Variants in THTPA observed in about 807,000 individuals in gnomAD.
The protein encoded by THTPA is thiamine-triphosphatase.
THTPA carries 16 observed loss-of-function variants against 16.5 expected under a neutral mutation model. The ratio of observed to expected loss-of-function variants is 0.97; its 90% confidence interval spans 0.66 to 1.47. THTPA has a LOEUF of 1.47. Ranked by LOEUF, THTPA falls within the 40% of genes most tolerant of loss-of-function variation. THTPA has a pLI of 0.00. For missense variants in THTPA, 281 were observed against 280.9 expected, an observed-to-expected ratio of 1.00 and a Z score of 0.00; for synonymous variants, 110 against 115.5, an observed-to-expected ratio of 0.95 and a Z score of 0.30.
the THTPA span, chr14:23,527,752 C>T: frequency 2.0e-6 from 3 of 1,536,126 alleles, no homozygotes; most frequent in Non-Finnish European, 2.6e-6. Context: ...TGTATGAGCC[C>T]TCACCTGGCT....
chr14:23,548,820 T>C, the THTPA span, among the ~76,000 whole-genome samples: 5,322 of 152,324 alleles, frequency 0.035, 311 homozygotes, highest in African/African-American at 0.12. Context: ...TCCTGCTATT[T>C]GTGCTATGCT....
the THTPA span, chr14:23,532,718 G>A: frequency 5.2e-6 from 8 of 1,534,994 alleles, no homozygotes; most frequent in Non-Finnish European, 7.0e-6. Flanking sequence ...GGATGCTGGG[G>A]AAGGGGTGCC....
chr14:23,524,707 G>T, the THTPA span: 1 of 1,536,294 alleles, frequency 6.5e-7, no homozygotes, highest in East Asian at 2.4e-5. The surrounding 1 kb of genome is among the most constrained non-coding windows in gnomAD (Gnocchi z 5.6). Context: ...CCTCTGCTTG[G>T]CTCAGCTCCT....
At chr14:23,516,442 G>A in the THTPA span, among the ~76,000 whole-genome samples, 1 of 152,184 alleles carries the variant, frequency 6.6e-6, no homozygotes, top group Non-Finnish European at 1.5e-5. Context: ...TGAATCCAGC[G>A]AATGTAACTT....
chr14:23,540,753 T>C, the THTPA span, among the ~76,000 whole-genome samples: 15 of 152,342 alleles, frequency 9.8e-5, no homozygotes, highest in Middle Eastern at 6.8e-3. Flanking sequence ...TACTCAGTTG[T>C]GAAGACCAGA....
At chr14:23,520,033 T>C in the THTPA span, among the ~76,000 whole-genome samples, 1 of 152,204 alleles carries the variant, frequency 6.6e-6, no homozygotes, top group Non-Finnish European at 1.5e-5. The surrounding 1 kb of genome is among the most constrained non-coding windows in gnomAD (Gnocchi z 8.7). Flanking sequence ...CCCACACTAC[T>C]TTAGCTGGGC....
the THTPA span, among the ~76,000 whole-genome samples, chr14:23,520,145 C>T: frequency 6.6e-6 from 1 of 152,256 alleles, no homozygotes; most frequent in East Asian, 1.9e-4. The surrounding 1 kb of genome is among the most constrained non-coding windows in gnomAD (Gnocchi z 8.7). Flanking sequence ...TGATAACACC[C>T]TATCAAAGAT....
At chr14:23,521,942 C>T in the THTPA span, 1 of 1,535,654 alleles carries the variant, frequency 6.5e-7, no homozygotes, top group East Asian at 2.4e-5. Flanking sequence ...CCTCCCCTCT[C>T]CCCATCTTGG....
the THTPA span, chr14:23,533,354 G>C: frequency 6.9e-7 from 1 of 1,441,434 alleles, no homozygotes; most frequent in Non-Finnish European, 9.1e-7. The surrounding 1 kb of genome is among the most constrained non-coding windows in gnomAD (Gnocchi z 4.8). Context: ...TGGGCTTCCA[G>C]GGGCTTGTCT....
chr14:23,535,282 G>T, the THTPA span: 2 of 1,486,696 alleles, frequency 1.3e-6, no homozygotes, highest in Non-Finnish European at 8.9e-7. The surrounding 1 kb of genome is among the most constrained non-coding windows in gnomAD (Gnocchi z 4.5). Context: ...GTGCCCAGGG[G>T]AGGGGGTGGT....
chr14:23,527,042 C>T, the THTPA span: 10 of 1,440,512 alleles, frequency 6.9e-6, no homozygotes, highest in African/African-American at 1.3e-4. Context: ...CCTGACCCAT[C>T]TGCCCTACAC....
chr14:23,556,903 A>C lies in THTPA; in HGVS notation c.146A>C (p.Gln49Pro). The C allele has an allele frequency of 3.1e-6, 5 of 1,613,958 alleles. No homozygotes were observed. The highest frequency in any genetic ancestry group is 4.2e-6 in the Non-Finnish European group (5 of 1,179,892). Residue 49 changes from glutamine (Q) to proline (P), a missense_variant, in exon 1 of 2, where the codon CAG (glutamine) becomes CCG (proline). Coordinates refer to ENST00000288014, the MANE Select transcript of THTPA (RefSeq NM_024328.6). ...GACACCCCTGAGCTGAGCCTCATGC[A>C]GGCTGACCACTGGCTGCGACGACGA... is the stretch of plus-strand genomic sequence containing the variant. ...YYDTPELSLMQADHWLRRRED... is the reference protein window; with the variant it reads ...YYDTPELSLMPADHWLRRRED...
the THTPA span, chr14:23,524,770 G>T: frequency 2.0e-6 from 3 of 1,536,442 alleles, no homozygotes; most frequent in Non-Finnish European, 2.6e-6. This position sits in a 1 kb window ranked among gnomAD's most constrained non-coding sequence, Gnocchi z 5.6. Flanking sequence ...GAGGTTCAAG[G>T]CCCTGTTCCT....
At chr14:23,527,560 C>T in the THTPA span, 1 of 1,535,210 alleles carries the variant, frequency 6.5e-7, no homozygotes, top group Non-Finnish European at 8.7e-7. Context: ...CTGCACAGCC[C>T]TAATAAGGTC....
chr14:23,541,198 G>A, the THTPA span, among the ~76,000 whole-genome samples: 6 of 150,910 alleles, frequency 4.0e-5, no homozygotes, highest in East Asian at 2.0e-4. Context: ...GAGCCACTGC[G>A]CCCGGCCTCT....
chr14:23,524,533 T>A, the THTPA span: 1 of 1,526,154 alleles, frequency 6.6e-7, no homozygotes, highest in Middle Eastern at 1.7e-4. The surrounding 1 kb of genome is among the most constrained non-coding windows in gnomAD (Gnocchi z 5.6). Flanking sequence ...GATCTAGGAG[T>A]TGGGGGGGAG....
chr14:23,548,446 T>A, the THTPA span: 1 of 152,160 alleles, frequency 6.6e-6, no homozygotes, highest in Non-Finnish European at 1.5e-5. Context: ...CAGCAAGTGA[T>A]TCCTGTATGG....
At chr14:23,526,827 T>C in the THTPA span, 5 of 1,523,342 alleles carry the variant, frequency 3.3e-6, no homozygotes, top group African/African-American at 2.8e-5. Flanking sequence ...CCTTGGGAGG[T>C]TTGCTGTTCC....
At chr14:23,525,705 G>GCCGCTC in the THTPA span, 1 of 1,523,914 alleles carries the variant, frequency 6.6e-7, no homozygotes, top group Non-Finnish European at 8.8e-7. This position sits in a 1 kb window ranked among gnomAD's most constrained non-coding sequence, Gnocchi z 5.9. Flanking sequence ...GCCATGGGGG[G>GCCGCTC]CCGCTCCCAC....
Sources: allele counts gnomAD v4.1 joint callset (sites outside exome capture counted in the v4.1 genomes callset), GRCh38; gene constraint gnomAD v4.1.1; non-coding constraint Gnocchi (gnomAD v3.1); transcripts MANE v1.5; gene names NCBI Gene and HGNC (gene_info 2026-07-23, HGNC 2026-07-21).